The following LAMA4 variants were observed in gnomAD, a reference collection of about 807,000 sequenced individuals.
LAMA4 encodes the protein laminin subunit alpha 4.
In LAMA4, 127 loss-of-function variants were observed where a neutral mutation model predicts 207.1. That is an observed-to-expected ratio of 0.61 (90% CI 0.53 to 0.71). LAMA4 has a LOEUF of 0.71. Ranked by LOEUF, LAMA4 falls within the 30% of genes least tolerant of loss-of-function variation. The pLI, the probability that LAMA4 is intolerant of heterozygous loss-of-function variation, is 0.00. For missense variants in LAMA4, 2,093 were observed against 2,246.5 expected, an observed-to-expected ratio of 0.93 and a Z score of 1.38; for synonymous variants, 761 against 816.0, an observed-to-expected ratio of 0.93 and a Z score of 1.15.
At chr6:112,137,750 T>C (rs1554331986) in intron 24 of LAMA4, among the ~76,000 whole-genome samples, 2 of 152,254 alleles carry the variant, frequency 1.3e-5, no homozygotes, top group Non-Finnish European at 2.9e-5. Flanking sequence ...GCTGGCTACT[T>C]CCTACAAATT....
At chr6:112,204,998 A>T (rs1341894615) in intron 4 of LAMA4, among the ~76,000 whole-genome samples, 3 of 152,186 alleles carry the variant, frequency 2.0e-5, no homozygotes, top group Non-Finnish European at 4.4e-5. Flanking sequence ...AGGAAAAAAC[A>T]TCGGGGGAAT....
In LAMA4 at chr6:112,207,142, A is replaced by C; in HGVS notation, c.301T>G (p.Cys101Gly). 6.2e-7 allele frequency: 1 copy of C among 1,613,952 alleles called. No individual in the cohort carries two copies. Among genetic ancestry groups the C allele is most frequent in the African/African-American group, 1.3e-5 (1 of 75,038 alleles). ...CLDGSGYCVH[C>G]QRNTTGEHCE... ...TGCTCTCCTGTTGTGTTCCGCTGGC[A>C]GTGCTATGAGACAAAAGACAAGAAG... The change falls in exon 4 of 39, where the codon TGC becomes GGC. Residue 101 changes from cysteine to glycine, a missense_variant. Cys to Gly is a radical substitution (Grantham distance 159). Coordinates refer to ENST00000230538, the MANE Select transcript of LAMA4 (RefSeq NM_001105206.3).
At chr6:112,250,256 A>G (rs565814722) in intron 2 of LAMA4, among the ~76,000 whole-genome samples, 10 of 152,360 alleles carry the variant, frequency 6.6e-5, no homozygotes, top group South Asian at 4.1e-4. Flanking sequence ...AAGAAAAAAG[A>G]AAGCAGATGG....
rs1372941185 is a variant in LAMA4 at position 112,136,112 on chromosome 6, A to G, written c.3414+11T>C. 1.9e-6 allele frequency: 3 copies of G among 1,610,806 alleles called. No individual in the cohort carries two copies. Among genetic ancestry groups the G allele is most frequent in the African/African-American group, 1.3e-5 (1 of 74,946 alleles). ...CAAAAACAAAACCAACCAAACTACA[A>G]TGATTTGTACCTCATGGTATTTTGC... On this transcript the variant is annotated intron_variant, in intron 25 of 38. Transcript: ENST00000230538.
chr6:112,249,972 AT>A (rs1304105772), intron 2 of LAMA4, among the ~76,000 whole-genome samples: 2 of 152,034 alleles, frequency 1.3e-5, no homozygotes, highest in East Asian at 1.9e-4. Context: ...ATGGCCACTT[AT>A]TTTTTTTCTC....
At chr6:112,128,780 A>G in intron 31 of LAMA4, 142 bp downstream of exon 31, 1 of 685,814 alleles carries the variant, frequency 1.5e-6, no homozygotes, top group East Asian at 2.7e-5. Context: ...GGTAAACTAG[A>G]ATATGTGATA....
At chr6:112,228,444 G>C (rs904589171) in intron 2 of LAMA4, among the ~76,000 whole-genome samples, 6 of 152,200 alleles carry the variant, frequency 3.9e-5, no homozygotes, top group Non-Finnish European at 8.8e-5. Flanking sequence ...GCTTGTCACT[G>C]AGGTAGTCAG....
chr6:112,253,527 C>A (rs537916640), intron 2 of LAMA4: 12 of 493,000 alleles, frequency 2.4e-5, no homozygotes, highest in African/African-American at 2.3e-4. Flanking sequence ...TAATATGAGA[C>A]AAAAAGATCC....
chr6:112,152,745 TGAA>T (rs1289810202), intron 16 of LAMA4, among the ~76,000 whole-genome samples: 6 of 152,060 alleles, frequency 3.9e-5, no homozygotes, highest in African/African-American at 1.4e-4. Flanking sequence ...GGTGGTGTCA[TGAA>T]GTACAGTTAA....
intron 36 of LAMA4, 90 bp downstream of exon 36, chr6:112,115,773 T>G: frequency 7.5e-7 from 1 of 1,327,436 alleles, no homozygotes; most frequent in Non-Finnish European, 1.1e-6. Flanking sequence ...TTAGGAAAGA[T>G]TGATGAAATA....
intron 2 of LAMA4, among the ~76,000 whole-genome samples, chr6:112,252,205 A>G (rs1554190004): frequency 1.3e-5 from 2 of 152,226 alleles, no homozygotes; most frequent in Non-Finnish European, 2.9e-5. Flanking sequence ...TTCTGTCAGT[A>G]TCAGTTTATC....
chr6:112,129,752 A>G, intron 30 of LAMA4, 124 bp downstream of exon 30: 2 of 796,826 alleles, frequency 2.5e-6, no homozygotes, highest in Non-Finnish European at 4.0e-6. Flanking sequence ...AGCACATAAA[A>G]GCTTTTAATT....
At chr6:112,186,175 C>T (rs1782672336) in intron 8 of LAMA4, among the ~76,000 whole-genome samples, 1 of 152,228 alleles carries the variant, frequency 6.6e-6, no homozygotes, top group Admixed American at 6.5e-5. Flanking sequence ...ATGCCAGGTA[C>T]TGTTCTAACT....
intron 13 of LAMA4, among the ~76,000 whole-genome samples, chr6:112,164,665 A>G (rs539845568): frequency 6.6e-6 from 1 of 152,358 alleles, no homozygotes; most frequent in East Asian, 1.9e-4. Context: ...TAATTTCATG[A>G]TAGTTCAGTT....
At chr6:112,147,788 A>AT (rs1300157818) in intron 18 of LAMA4, among the ~76,000 whole-genome samples, 3 of 152,030 alleles carry the variant, frequency 2.0e-5, no homozygotes, top group Admixed American at 6.6e-5. Context: ...CCATTTAGTA[A>AT]TTTTTTTTCT....
Position 112,122,172 on chromosome 6 carries a change from C to T in LAMA4, c.4317G>A (p.Trp1439Ter). 1 of 1,613,628 alleles carries T rather than the reference C, an allele frequency of 6.2e-7. No homozygotes were observed. The highest frequency in any genetic ancestry group is 8.5e-7 in the Non-Finnish European group (1 of 1,179,750). Reference protein sequence around the residue: ...KGGKSKDAPSWDPVALKLPER... With the variant: ...KGGKSKDAPS Reference sequence around the variant, plus strand: ...CTGGGAGTTTCAGAGCAACAGGATCCCATGAAGGTGCATCTTTACTTTTCC... The same window carrying T: ...CTGGGAGTTTCAGAGCAACAGGATCTCATGAAGGTGCATCTTTACTTTTCC... Residue 1439 changes from tryptophan (W) to a stop codon, truncating the protein, a stop_gained, in exon 32 of 39, where the codon TGG becomes TGA. Transcript: ENST00000230538. LOFTEE classifies it high-confidence loss of function.
intron 2 of LAMA4, chr6:112,251,283 C>T (rs1311649869): frequency 1.3e-5 from 2 of 152,106 alleles, no homozygotes; most frequent in East Asian, 3.9e-4. Flanking sequence ...GTATTTGTTC[C>T]CCAGCTCACA....
intron 3 of LAMA4, among the ~76,000 whole-genome samples, chr6:112,209,881 G>A (rs1398615568): frequency 6.6e-6 from 1 of 152,192 alleles, no homozygotes. Context: ...AGTGTTGGAG[G>A]TGGGGCCTGG....
chr6:112,207,279 C>T (rs917539653), intron 3 of LAMA4, 134 bp from the exon 4 acceptor site: 44 of 968,590 alleles, frequency 4.5e-5, no homozygotes, highest in Non-Finnish European at 6.8e-5. Flanking sequence ...TGCGGCAGTA[C>T]AGATTAGCAT....
Sources: allele counts gnomAD v4.1 joint callset (sites outside exome capture counted in the v4.1 genomes callset), GRCh38; gene constraint gnomAD v4.1.1; transcripts MANE v1.5; gene names NCBI Gene and HGNC (gene_info 2026-07-23, HGNC 2026-07-21).